SNX29: variants seen among roughly 807,000 people sequenced by gnomAD.
SNX29 encodes sorting nexin 29.
Under a neutral mutation model 102.1 loss-of-function variants are expected in SNX29, and 78 were observed. The observed-to-expected ratio is 0.76, with a 90% confidence interval of 0.64 to 0.92. SNX29 has a LOEUF of 0.92. Among genes scored for constraint, SNX29 ranks in the 40% least tolerant of loss-of-function variants. The probability of loss-of-function intolerance (pLI) is 0.00; values close to 1 mark genes in which losing one functional copy is unlikely to be tolerated. For missense variants in SNX29, 1,280 were observed against 1,061.7 expected (o/e 1.21, Z -2.86); for synonymous variants, 580 against 414.5 (o/e 1.40, Z -4.85).
At chr16:12,080,580 A>T (rs1433263343) in intron 11 of SNX29, among the ~76,000 whole-genome samples, 2 of 152,124 alleles carry the variant, frequency 1.3e-5, no homozygotes, top group African/African-American at 4.8e-5. Context: ...AGGTCTCACC[A>T]TGCTGTCCAG....
At chr16:12,054,889 A>T (rs144422423) in intron 8 of SNX29, among the ~76,000 whole-genome samples, 31 of 152,156 alleles carry the variant, frequency 2.0e-4, no homozygotes, top group Non-Finnish European at 4.1e-4. Flanking sequence ...ATTTATGCTG[A>T]TGGTTTTTGT....
intron 13 of SNX29, among the ~76,000 whole-genome samples, chr16:12,178,960 A>G (rs920258983): frequency 6.6e-6 from 1 of 152,194 alleles, no homozygotes; most frequent in Non-Finnish European, 1.5e-5. Context: ...TGTATCCCTG[A>G]GATGCTTTGT....
rs2052781498 is a variant in SNX29 at position 12,096,705 on chromosome 16, A to G, written c.1402+17790A>G. On this transcript the variant is annotated intron_variant, in intron 11 of 20. Coordinates refer to ENST00000566228, the MANE Select transcript of SNX29 (RefSeq NM_032167.5). The surrounding 1 kb of genome is among the most constrained non-coding windows in gnomAD (Gnocchi z 4.2). Reference sequence around the variant, plus strand: ...TTATCTGTGGCACTGAACAACCGCCACTCGATCCACCCATGGGAACGAGTT... The same window carrying G: ...TTATCTGTGGCACTGAACAACCGCCGCTCGATCCACCCATGGGAACGAGTT... Among the ~76,000 whole-genome samples the G allele has an allele frequency of 1.3e-5, 2 of 152,192 alleles. No individual in the cohort carries two copies. Among genetic ancestry groups the G allele is most frequent in the Non-Finnish European group, 2.9e-5 (2 of 68,042 alleles).
chr16:12,337,313 G>T (rs1044601067), intron 15 of SNX29, among the ~76,000 whole-genome samples: 9 of 151,980 alleles, frequency 5.9e-5, no homozygotes, highest in African/African-American at 2.2e-4. Context: ...AAATTATGTG[G>T]ATTTAAGGTA....
At chr16:12,488,571 T>C (rs1445156777) in intron 19 of SNX29, among the ~76,000 whole-genome samples, 1 of 152,202 alleles carries the variant, frequency 6.6e-6, no homozygotes, top group Non-Finnish European at 1.5e-5. Flanking sequence ...AATAACGAAC[T>C]GAAGCTGTGT....
chr16:12,544,094 G>C (rs1206325997), intron 20 of SNX29, among the ~76,000 whole-genome samples: 3 of 152,180 alleles, frequency 2.0e-5, no homozygotes, highest in African/African-American at 7.2e-5. Context: ...CTGCAGACTT[G>C]GTTGTGGAAG....
chr16:12,158,478 G>A (rs1267876543), intron 13 of SNX29, among the ~76,000 whole-genome samples: 1 of 152,208 alleles, frequency 6.6e-6, no homozygotes, highest in African/African-American at 2.4e-5. Context: ...GGGATAACAG[G>A]CGTGAGCCAG....
chr16:12,238,668 C>G (rs1399827942), intron 14 of SNX29, among the ~76,000 whole-genome samples: 1 of 152,232 alleles, frequency 6.6e-6, no homozygotes, highest in Non-Finnish European at 1.5e-5. Flanking sequence ...CCGCAAACCG[C>G]TGCATTGCAA....
rs371622189 is a variant in SNX29, at chr16:12,037,185, C to T, written c.248-5712C>T. Among the ~76,000 whole-genome samples, 17 of 152,320 alleles carry T rather than the reference C, an allele frequency of 1.1e-4. No individual in the cohort carries two copies. In the East Asian group the frequency reaches 1.5e-3, roughly 14 times the overall value. On this transcript the variant is annotated intron_variant, in intron 4 of 20. Coordinates refer to ENST00000566228, the MANE Select transcript of SNX29 (RefSeq NM_032167.5). ...AGCCATGCGATCTCTATCGCAGTGA[C>T]TCAGCTCTGCCACTGGAGCAGAAAC...
At chr16:12,069,207 A>G (rs984240174) in intron 10 of SNX29, 75 bp downstream of exon 10, 31 of 1,258,936 alleles carry the variant, frequency 2.5e-5, no homozygotes, top group Admixed American at 7.8e-5. Flanking sequence ...TTCTTTTTTA[A>G]AGATAGGAGT....
intron 20 of SNX29, among the ~76,000 whole-genome samples, chr16:12,528,403 T>G (rs1282061694): frequency 1.3e-5 from 2 of 152,194 alleles, no homozygotes; most frequent in African/African-American, 4.8e-5. Flanking sequence ...TTTTGCCATG[T>G]TGGCCAGGCT....
At chr16:12,334,342 G>C (rs1404885847) in intron 15 of SNX29, among the ~76,000 whole-genome samples, 1 of 152,138 alleles carries the variant, frequency 6.6e-6, no homozygotes, top group African/African-American at 2.4e-5. Context: ...GAGGTCTGGG[G>C]CTTCGCTTTT....
chr16:12,056,433 G>A (rs2050525125), intron 8 of SNX29, among the ~76,000 whole-genome samples: 1 of 152,230 alleles, frequency 6.6e-6, no homozygotes. Context: ...AGCAGCCTGG[G>A]GAAGACACAG....
At chr16:12,513,914 C>G (rs1049570219) in intron 19 of SNX29, among the ~76,000 whole-genome samples, 1 of 152,174 alleles carries the variant, frequency 6.6e-6, no homozygotes, top group Non-Finnish European at 1.5e-5. Flanking sequence ...ACAGGAATTG[C>G]TCTCGTCAGC....
rs186022905 is a variant in SNX29, at chr16:12,448,233, T to C, written c.2038-29486T>C. ...CGGGTCTGTCTCACTTCAAAGCCTGTGAGTTTCCAGCTGACCACCTTTCCA... is the reference window on the plus strand; with the variant it reads ...CGGGTCTGTCTCACTTCAAAGCCTGCGAGTTTCCAGCTGACCACCTTTCCA... On this transcript the variant is annotated intron_variant, in intron 18 of 20. Transcript: ENST00000566228. Among the ~76,000 whole-genome samples, 275 of 152,304 alleles carry C rather than the reference T, an allele frequency of 1.8e-3. 3 individuals carry two copies. The highest frequency in any genetic ancestry group is 1.5e-3 in the Non-Finnish European group (100 of 68,028).
chr16:12,048,280 T>G, intron 6 of SNX29, 92 bp from the exon 7 acceptor site: 1 of 1,583,886 alleles, frequency 6.3e-7, no homozygotes, highest in South Asian at 1.1e-5. Context: ...GTGCCTCCTC[T>G]TCTGTACTCT....
At position 12,457,158 on chromosome 16, in the gene SNX29, A is replaced by C. The variant is rs570378897; in HGVS notation, c.2038-20561A>C. On this transcript the variant is annotated intron_variant, in intron 18 of 20. Coordinates refer to ENST00000566228, the MANE Select transcript of SNX29 (RefSeq NM_032167.5). ...TTCATGTAGCATTTAAGGAGAGTTC[A>C]ACCCCTTTCCAGAATTGCTAATAAC... is the stretch of plus-strand genomic sequence containing the variant. 2.0e-5 allele frequency among the ~76,000 whole-genome samples: 3 copies of C among 152,330 alleles called. No homozygotes were observed. The South Asian group carries it at 6.2e-4, about 32-fold the overall frequency.
chr16:12,561,017 G>T lies in SNX29; in HGVS notation c.2319-7489G>T, dbSNP rs1224650271. On this transcript the variant is annotated intron_variant, in intron 20 of 20. Coordinates refer to ENST00000566228, the MANE Select transcript of SNX29 (RefSeq NM_032167.5). The stretch of plus-strand genomic sequence containing the variant: ...GCCATTTCTGGATCAGTTGTGGATG[G>T]TGGAAGTCTTGGAGACCCATTTCAA... 5 of 219,364 alleles carry T rather than the reference G, an allele frequency of 2.3e-5. No individual in the cohort carries two copies. The East Asian group carries it at 2.6e-4, about 12-fold the overall frequency. 13.6% of individuals were successfully genotyped at this position (219,364 alleles called of 1,614,324 possible). A position where few individuals can be genotyped will look rare whatever the true frequency, so the allele number is the denominator to read the frequency against.
At chr16:12,157,769 A>G (rs1016280906) in intron 13 of SNX29, among the ~76,000 whole-genome samples, 1 of 151,870 alleles carries the variant, frequency 6.6e-6, no homozygotes, top group African/African-American at 2.4e-5. Context: ...GTGGTGCCCT[A>G]TTCCCTACAC....
Sources: allele counts gnomAD v4.1 joint callset (sites outside exome capture counted in the v4.1 genomes callset), GRCh38; gene constraint gnomAD v4.1.1; non-coding constraint Gnocchi (gnomAD v3.1); transcripts MANE v1.5; gene names NCBI Gene and HGNC (gene_info 2026-07-23, HGNC 2026-07-21).